The following RBFOX1 variants were observed in gnomAD, a reference collection of about 807,000 sequenced individuals.
The protein encoded by RBFOX1 is RNA binding fox-1 homolog 1, also known as RNA binding protein fox-1 homolog 1.
RBFOX1 carries 8 observed loss-of-function variants against 57.7 expected under a neutral mutation model. The observed-to-expected ratio is 0.14, with a 90% CI of 0.08 to 0.25. The LOEUF is 0.25. RBFOX1 is among the 10% of genes least tolerant of loss of function. The probability of loss-of-function intolerance (pLI) is 1.00; values close to 1 mark genes in which losing one functional copy is unlikely to be tolerated. For synonymous variants in RBFOX1, 326 were observed against 222.4 expected, an observed-to-expected ratio of 1.47 and a Z score of -4.15; for missense variants, 611 against 548.5, an observed-to-expected ratio of 1.11 and a Z score of -1.14.
intron 3 of RBFOX1, among the ~76,000 whole-genome samples, chr16:6,946,127 C>G (rs147134223): frequency 3.3e-5 from 5 of 152,184 alleles, no homozygotes; most frequent in Admixed American, 6.5e-5. Context: ...CCCAGTTTTC[C>G]TTGCTTCTCA....
At chr16:7,619,786 A>G (rs780860137) in intron 10 of RBFOX1, among the ~76,000 whole-genome samples, 3 of 152,050 alleles carry the variant, frequency 2.0e-5, no homozygotes, top group Admixed American at 6.5e-5. Flanking sequence ...TCCTAATCAG[A>G]GATTGCAAAC....
intron 3 of RBFOX1, among the ~76,000 whole-genome samples, chr16:6,899,266 AC>A (rs2067851709): frequency 6.6e-6 from 1 of 151,670 alleles, no homozygotes; most frequent in African/African-American, 2.4e-5. Context: ...TGTGTGTATA[AC>A]GTGTGCATGT....
intron 4 of RBFOX1, 127 bp from the exon 5 acceptor site, chr16:7,518,020 C>T (rs1246190002): frequency 1.7e-6 from 2 of 1,177,786 alleles, no homozygotes; most frequent in African/African-American, 1.5e-5. Flanking sequence ...CCATCTCAGG[C>T]TGGTGGCACC....
At chr16:6,660,539 C>A (rs1018166332) in intron 3 of RBFOX1, among the ~76,000 whole-genome samples, 1 of 152,154 alleles carries the variant, frequency 6.6e-6, no homozygotes, top group Non-Finnish European at 1.5e-5. Context: ...TGTACATAGC[C>A]TTTGGAGCTT....
chr16:5,786,477 A>G (rs1337846276), intron 3 of RBFOX1, among the ~76,000 whole-genome samples: 1 of 152,154 alleles, frequency 6.6e-6, no homozygotes, highest in Non-Finnish European at 1.5e-5. Flanking sequence ...AGTGTAACGA[A>G]GGCCAGGATA....
chr16:6,431,899 T>TGC (rs199631932), intron 2 of RBFOX1, among the ~76,000 whole-genome samples: 24,804 of 68,078 alleles, frequency 0.36, 2,597 homozygotes, highest in Non-Finnish European at 0.42. Flanking sequence ...CTTGCTTGCT[T>TGC]TCTTTCTTTC....
intron 3 of RBFOX1, among the ~76,000 whole-genome samples, chr16:6,708,374 C>A (rs929906632): frequency 2.0e-5 from 3 of 152,088 alleles, no homozygotes; most frequent in African/African-American, 4.8e-5. Context: ...TCTTACTTTC[C>A]ATCATTTTTT....
chr16:5,836,286 C>T (rs762320399), intron 3 of RBFOX1, among the ~76,000 whole-genome samples: 4 of 152,222 alleles, frequency 2.6e-5, no homozygotes, highest in South Asian at 4.1e-4. Context: ...TCCAGGTAGA[C>T]AGGCAGGGCA....
At chr16:5,914,279 A>G (rs541135902) in intron 4 of RBFOX1, among the ~76,000 whole-genome samples, 5 of 152,346 alleles carry the variant, frequency 3.3e-5, no homozygotes, top group East Asian at 1.9e-4. Context: ...GCAACTTAAA[A>G]TAAGAAATTT....
At chr16:7,375,967 T>C (rs1055487596) in intron 4 of RBFOX1, among the ~76,000 whole-genome samples, 9 of 152,206 alleles carry the variant, frequency 5.9e-5, no homozygotes, top group Admixed American at 1.3e-4. Flanking sequence ...ACTAGAGCCA[T>C]TGGTAGGCCA....
intron 2 of RBFOX1, among the ~76,000 whole-genome samples, chr16:6,628,772 T>A (rs141962058): frequency 3.9e-5 from 6 of 152,234 alleles, no homozygotes; most frequent in Non-Finnish European, 7.3e-5. Context: ...TGTGAAGATA[T>A]AGAACTGTCA....
At chr16:6,074,243 C>T (rs896712041) in intron 1 of RBFOX1, among the ~76,000 whole-genome samples, 21 of 152,278 alleles carry the variant, frequency 1.4e-4, no homozygotes, top group Middle Eastern at 3.4e-3. Context: ...CCACAGCGCC[C>T]GGCCATCAAG....
At chr16:6,014,343 A>G (rs1214104456), upstream of RBFOX1, among the ~76,000 whole-genome samples, 1 of 152,184 alleles carries the variant, frequency 6.6e-6, no homozygotes, top group East Asian at 1.9e-4. Context: ...GAGCCCAAGT[A>G]GAAGAGGAAA....
chr16:5,685,728 C>T (rs180766822), intron 3 of RBFOX1, among the ~76,000 whole-genome samples: 1 of 152,262 alleles, frequency 6.6e-6, no homozygotes, highest in African/African-American at 2.4e-5. Flanking sequence ...GAGGGTGGTG[C>T]CTCCTTCATG....
At chr16:6,727,321 C>T (rs536351872) in intron 3 of RBFOX1, among the ~76,000 whole-genome samples, 10 of 151,896 alleles carry the variant, frequency 6.6e-5, no homozygotes, top group Admixed American at 2.6e-4. Flanking sequence ...AAAAAAAACG[C>T]AATTGCTTTT....
intron 3 of RBFOX1, among the ~76,000 whole-genome samples, chr16:6,953,879 CAGTTGTTGACGT>C (rs2081258549): frequency 6.6e-6 from 1 of 152,152 alleles, no homozygotes; most frequent in African/African-American, 2.4e-5. Flanking sequence ...CGGCCAAAGC[CAGTTGTTGACGT>C]AAAGTTTTTT....
intron 5 of RBFOX1, among the ~76,000 whole-genome samples, chr16:7,574,170 C>A (rs1448334657): frequency 1.3e-5 from 2 of 152,102 alleles, no homozygotes; most frequent in Non-Finnish European, 2.9e-5. Flanking sequence ...TTTCAAGAGG[C>A]TGATGAAAGG....
At chr16:5,873,970 T>C (rs921667953) in intron 4 of RBFOX1, among the ~76,000 whole-genome samples, 19 of 151,932 alleles carry the variant, frequency 1.3e-4, no homozygotes, top group African/African-American at 4.6e-4. Flanking sequence ...AAAGTAAGTG[T>C]GGAAACAGTG....
At chr16:6,154,053 T>C (rs2096821726) in intron 1 of RBFOX1, among the ~76,000 whole-genome samples, 1 of 152,234 alleles carries the variant, frequency 6.6e-6, no homozygotes, top group African/African-American at 2.4e-5. Flanking sequence ...CCAGACCTCA[T>C]GGAAACCTCC....
Sources: gnomAD v4.1 joint callset for allele counts (sites outside exome capture counted in the v4.1 genomes callset) on GRCh38, gnomAD v4.1.1 for gene constraint, MANE v1.5 for transcripts, NCBI Gene and HGNC (gene_info 2026-07-23, HGNC 2026-07-21) for gene names.